Variants in DCDC1 observed in about 807,000 individuals in gnomAD.
DCDC1 encodes doublecortin domain containing 1.
A neutral mutation model predicts 178.3 loss-of-function variants in DCDC1; 200 were observed. The observed-to-expected ratio is 1.12, with a 90% confidence interval of 1.00 to 1.26. The LOEUF (loss-of-function observed/expected upper bound fraction) is 1.26, where lower values mean the gene tolerates loss of function less well. Ranked by LOEUF, DCDC1 falls within the 50% of genes most tolerant of loss-of-function variation. The pLI is 0.00. For synonymous variants in DCDC1, 690 were observed against 604.8 expected (o/e 1.14, Z -2.07); for missense variants, 1,983 against 1,749.2 (o/e 1.13, Z -2.38).
At chr11:31,107,173 G>T (rs1958908142) in intron 12 of DCDC1, among the ~76,000 whole-genome samples, 1 of 152,276 alleles carries the variant, frequency 6.6e-6, no homozygotes, top group Middle Eastern at 3.4e-3. Context: ...CCAGCAGGGG[G>T]GGCCACAGGC....
chr11:30,900,311 A>G, intron 33 of DCDC1, 35 bp downstream of exon 33: 1 of 1,479,892 alleles, frequency 6.8e-7, no homozygotes, highest in Non-Finnish European at 9.0e-7. Context: ...CCCTTCATAT[A>G]CTTGCTTGAA....
At chr11:31,335,759 C>T (rs541845698) in intron 1 of DCDC1, among the ~76,000 whole-genome samples, 195 bp from the exon 2 acceptor site, 1 of 152,240 alleles carries the variant, frequency 6.6e-6, no homozygotes, top group East Asian at 1.9e-4. Context: ...AGGCTGGGGA[C>T]CCCTGATCTA....
intron 12 of DCDC1, among the ~76,000 whole-genome samples, chr11:31,109,381 A>T (rs931719799): frequency 6.6e-6 from 1 of 152,138 alleles, no homozygotes; most frequent in Non-Finnish European, 1.5e-5. Context: ...GAAAAATCCT[A>T]TGAAGGCCTT....
chr11:31,288,585 T>C (rs911853382), intron 7 of DCDC1, among the ~76,000 whole-genome samples: 2 of 151,908 alleles, frequency 1.3e-5, no homozygotes, highest in African/African-American at 4.8e-5. Flanking sequence ...CCATTCTCAA[T>C]AAATCTCTTC....
intron 38 of DCDC1, among the ~76,000 whole-genome samples, chr11:30,869,593 G>A (rs55834973): frequency 2.0e-5 from 3 of 152,244 alleles, no homozygotes; most frequent in Non-Finnish European, 4.4e-5. Flanking sequence ...CTACAAGGGT[G>A]AGCAACAGGT....
chr11:31,171,987 G>A (rs1967300712), intron 9 of DCDC1, among the ~76,000 whole-genome samples: 2 of 151,934 alleles, frequency 1.3e-5, no homozygotes, highest in African/African-American at 4.8e-5. Flanking sequence ...AAATTCATTT[G>A]GCATATTTTA....
intron 20 of DCDC1, among the ~76,000 whole-genome samples, chr11:30,971,498 A>G (rs898048404): frequency 6.6e-6 from 1 of 151,774 alleles, no homozygotes; most frequent in Non-Finnish European, 1.5e-5. Context: ...AACAAATCCT[A>G]GGAATGAAAT....
intron 1 of DCDC1, among the ~76,000 whole-genome samples, chr11:31,368,597 T>C (rs907871013): frequency 1.4e-4 from 22 of 152,252 alleles, no homozygotes; most frequent in African/African-American, 5.3e-4. Flanking sequence ...TTTAGATTTT[T>C]AAACTTGCTT....
At position 30,894,328 on chromosome 11, in the gene DCDC1, G is replaced by T. The variant is rs751637043; in HGVS notation, c.4822C>A (p.Gln1608Lys). 38 of 1,613,748 alleles carry T rather than the reference G, an allele frequency of 2.4e-5. No individual in the cohort carries two copies. Among genetic ancestry groups the T allele is most frequent in the Non-Finnish European group, 4.2e-6 (5 of 1,179,832 alleles). The change falls in exon 35 of 39, where the codon CAG (glutamine) becomes AAG (lysine). Residue 1608 changes from glutamine (Q) to lysine (K), a missense_variant. Transcript: ENST00000684477. ...ATMVPTKSPV[Q>K]PVVVEGGWTE... The stretch of plus-strand genomic sequence containing the variant: ...CAGCCTCCTTCAACCACCACGGGCT[G>T]CACAGGGCTCTTGGTAGGAACCATG...
chr11:30,893,859 T>C (rs1261222767), intron 35 of DCDC1, among the ~76,000 whole-genome samples: 1 of 152,232 alleles, frequency 6.6e-6, no homozygotes, highest in South Asian at 2.1e-4. Flanking sequence ...CACTTCTGAA[T>C]GTCTCCATTG....
intron 2 of DCDC1, 44 bp from the exon 3 acceptor site, chr11:31,328,330 C>G: frequency 6.7e-7 from 1 of 1,498,194 alleles, no homozygotes; most frequent in Non-Finnish European, 8.9e-7. Flanking sequence ...ATGTAAAATC[C>G]TACTAGATTA....
At chr11:31,000,507 G>A (rs946595935) in intron 20 of DCDC1, among the ~76,000 whole-genome samples, 1 of 152,194 alleles carries the variant, frequency 6.6e-6, no homozygotes, top group East Asian at 1.9e-4. Flanking sequence ...TATAAAATGT[G>A]TCAGGGAGCT....
intron 14 of DCDC1, among the ~76,000 whole-genome samples, chr11:31,103,051 C>T (rs1055564625): frequency 1.3e-5 from 2 of 152,130 alleles, no homozygotes; most frequent in Non-Finnish European, 2.9e-5. Context: ...AGAATTAAAT[C>T]GATCCTTACC....
intron 2 of DCDC1, among the ~76,000 whole-genome samples, chr11:31,331,128 G>C (rs1340260068): frequency 6.6e-6 from 1 of 152,064 alleles, no homozygotes; most frequent in Non-Finnish European, 1.5e-5. Context: ...TGGATTCCTA[G>C]GTATTTTATT....
At position 30,986,026 on chromosome 11, in the gene DCDC1, T is replaced by C. The variant is rs79085622; in HGVS notation, c.2592-33458A>G. On this transcript the variant is annotated intron_variant, in intron 20 of 38. Coordinates refer to ENST00000684477, the MANE Select transcript of DCDC1 (RefSeq NM_001387274.1). ...TCACATGATGGTGGATTAAACATGA[T>C]AGAGGTATGTTTTTCTGTAGTGTAT... Among the ~76,000 whole-genome samples the C allele has an allele frequency of 2.2e-3, 328 of 152,218 alleles. 7 individuals carry two copies. The East Asian group carries it at 0.059, about 27-fold the overall frequency.
intron 7 of DCDC1, among the ~76,000 whole-genome samples, chr11:31,269,978 A>G (rs1249301681): frequency 2.0e-5 from 3 of 152,198 alleles, no homozygotes; most frequent in Admixed American, 6.5e-5. Context: ...CCAGGTTAAT[A>G]AGCCATCAGA....
chr11:31,329,404 A>G (rs545675557), intron 2 of DCDC1, among the ~76,000 whole-genome samples: 82 of 150,774 alleles, frequency 5.4e-4, no homozygotes, highest in African/African-American at 1.9e-3. Context: ...ATTTTTTTTT[A>G]TTACTATACT....
chr11:31,135,716 A>G (rs1312424465), intron 10 of DCDC1, among the ~76,000 whole-genome samples: 3 of 152,164 alleles, frequency 2.0e-5, no homozygotes, highest in Non-Finnish European at 4.4e-5. Flanking sequence ...TTTTTGAGCC[A>G]GAGCTGAAAA....
intron 21 of DCDC1, among the ~76,000 whole-genome samples, chr11:30,933,315 T>G (rs1280777953): frequency 3.9e-5 from 6 of 152,128 alleles, no homozygotes; most frequent in African/African-American, 1.4e-4. Context: ...CTATTTGGGA[T>G]ATAAGTGCTC....
Sources: gnomAD v4.1 joint callset for allele counts (sites outside exome capture counted in the v4.1 genomes callset) on GRCh38, gnomAD v4.1.1 for gene constraint, MANE v1.5 for transcripts, NCBI Gene and HGNC (gene_info 2026-07-23, HGNC 2026-07-21) for gene names.